The following CD300E variants were observed in gnomAD, a reference collection of about 807,000 sequenced individuals.
The protein encoded by CD300E is CMRF35-like molecule 2.
Under a neutral mutation model 20.9 loss-of-function variants are expected in CD300E, and 14 were observed. The ratio of observed to expected loss-of-function variants is 0.67; its 90% CI spans 0.44 to 1.05. CD300E has a LOEUF of 1.05. Ranked by LOEUF, CD300E falls within the 50% of genes least tolerant of loss-of-function variation. The pLI, the probability that CD300E is intolerant of heterozygous loss-of-function variation, is 0.00. For synonymous variants in CD300E, 102 were observed against 103.7 expected, an observed-to-expected ratio of 0.98 and a Z score of 0.10; for missense variants, 237 against 253.9, an observed-to-expected ratio of 0.93 and a Z score of 0.45.
At chr17:74,614,509 A>G (rs1442028526) in intron 2 of CD300E, among the ~76,000 whole-genome samples, 4 of 118,854 alleles carry the variant, frequency 3.4e-5, no homozygotes, top group Admixed American at 2.0e-4. Flanking sequence ...ATGGAGTTTC[A>G]CTCTTGTTGC....
intron 2 of CD300E, 60 bp from the exon 3 acceptor site, chr17:74,614,093 C>A (rs2030848191): frequency 7.9e-7 from 1 of 1,269,526 alleles, no homozygotes; most frequent in African/African-American, 1.5e-5. Flanking sequence ...GCACAGAACA[C>A]CCGTATGGAT....
chr17:74,619,133 G>A, intron 1 of CD300E: 1 of 471,286 alleles, frequency 2.1e-6, no homozygotes, highest in Non-Finnish European at 4.4e-6. Context: ...TCCTCCTGGA[G>A]GTGGCACATC....
intron 1 of CD300E, among the ~76,000 whole-genome samples, chr17:74,617,926 C>G (rs970671350): frequency 6.6e-6 from 1 of 152,222 alleles, no homozygotes; most frequent in African/African-American, 2.4e-5. Flanking sequence ...CTCTCCGGCT[C>G]TGATCTTAAC....
At chr17:74,615,143 G>T (rs2030873239) in intron 2 of CD300E, among the ~76,000 whole-genome samples, 1 of 152,238 alleles carries the variant, frequency 6.6e-6, no homozygotes. Context: ...GGAGCACAGG[G>T]GAGAAGCCTA....
At chr17:74,618,173 G>T (rs2030947832) in intron 1 of CD300E, among the ~76,000 whole-genome samples, 2 of 152,344 alleles carry the variant, frequency 1.3e-5, no homozygotes, top group African/African-American at 2.4e-5. Context: ...GGGAGGCAAA[G>T]TGTGAGAAGT....
intron 3 of CD300E, 35 bp from the exon 4 acceptor site, chr17:74,612,808 C>A: frequency 6.2e-7 from 1 of 1,610,184 alleles, no homozygotes; most frequent in African/African-American, 1.3e-5. Flanking sequence ...GTCACTTCCC[C>A]GGGAGAACCC....
intron 3 of CD300E, among the ~76,000 whole-genome samples, 187 bp from the exon 4 acceptor site, chr17:74,612,960 C>A (rs1008715944): frequency 5.3e-5 from 8 of 152,148 alleles, no homozygotes; most frequent in African/African-American, 1.9e-4. Flanking sequence ...AAGGACTGCC[C>A]GGGGGGTCTC....
intron 2 of CD300E, 82 bp from the exon 3 acceptor site, chr17:74,614,115 T>C: frequency 1.9e-6 from 2 of 1,060,730 alleles, no homozygotes; most frequent in Non-Finnish European, 2.9e-6. Context: ...TCATACAGAA[T>C]CACCCACTCA....
chr17:74,619,355 T>A (rs1430618861), intron 1 of CD300E: 1 of 241,010 alleles, frequency 4.1e-6, no homozygotes, highest in Non-Finnish European at 8.5e-6. Context: ...GAGCTGAATG[T>A]GTCCTAGAAT....
rs976637327 is a variant in CD300E, at chr17:74,611,353, T to A, written c.*1300A>T. 6.6e-6 allele frequency: 1 copy of A among 152,290 alleles called. No individual in the cohort carries two copies. Among genetic ancestry groups the A allele is most frequent in the Non-Finnish European group, 1.5e-5 (1 of 68,082 alleles). 9.4% of individuals were successfully genotyped at this position (152,290 alleles called of 1,614,324 possible). ...CATGTGCTCTGGACACTGGCATCAC[T>A]AGCTCAGGATGAGCTCAGGCCTGGG... is the stretch of plus-strand genomic sequence containing the variant. On this transcript the variant is annotated 3_prime_UTR_variant, in exon 4 of 4. Transcript: ENST00000392619.
Position 74,614,475 on chromosome 17 carries a change from C to CT in CD300E, c.389-443dup, listed in dbSNP as rs151029563. Among the ~76,000 whole-genome samples the CT allele has an allele frequency of 1.5e-3, 173 of 113,322 alleles. 1 individual carries two copies. The highest frequency in any genetic ancestry group is 3.8e-3 in the African/African-American group (105 of 27,366). 74.3% of individuals were successfully genotyped at this position (113,322 alleles called of 152,430 possible). ...TCTGAGCACCCTTCATGTGGACACT[C>CT]TTTTTTTTTTTTTTTTTTTTGAGAT... On this transcript the variant is annotated intron_variant, in intron 2 of 3. Coordinates refer to ENST00000392619, the MANE Select transcript of CD300E (RefSeq NM_181449.3).
rs149962346 is a variant in CD300E, at chr17:74,615,249, T to C, written c.389-1216A>G. ...TGCTTTTGGGAAGTGAGAGACATGATAGAGTGTGAGTCTGAGGACAGGAGA... is the reference window on the plus strand; with the variant it reads ...TGCTTTTGGGAAGTGAGAGACATGACAGAGTGTGAGTCTGAGGACAGGAGA... On this transcript the variant is annotated intron_variant, in intron 2 of 3. Coordinates refer to ENST00000392619, the MANE Select transcript of CD300E (RefSeq NM_181449.3). Among the ~76,000 whole-genome samples the C allele has an allele frequency of 2.6e-5, 4 of 152,012 alleles. No individual in the cohort carries two copies. The East Asian group carries it at 7.8e-4, about 29-fold the overall frequency.
In CD300E at chr17:74,613,107, G is replaced by A. The variant is rs114382514; in HGVS notation, c.498-334C>T. ...CTTCTTAAAACCAGTCCCCACTCTCGCTTTTTTTATTTTCTGAGACAGAGT... is the reference window on the plus strand; with the variant it reads ...CTTCTTAAAACCAGTCCCCACTCTCACTTTTTTTATTTTCTGAGACAGAGT... On this transcript the variant is annotated intron_variant, in intron 3 of 3. Coordinates refer to ENST00000392619, the MANE Select transcript of CD300E (RefSeq NM_181449.3). Among the ~76,000 whole-genome samples, 573 of 152,210 alleles carry A rather than the reference G, an allele frequency of 3.8e-3. 6 individuals carry two copies. The highest frequency in any genetic ancestry group is 0.013 in the African/African-American group (555 of 41,530).
intron 1 of CD300E, 131 bp downstream of exon 1, chr17:74,623,451 C>A: frequency 1.2e-6 from 1 of 804,638 alleles, no homozygotes; most frequent in Non-Finnish European, 2.0e-6. Context: ...GAAGGATGCA[C>A]AGGTGAATGA....
At chr17:74,613,859 A>G in intron 3 of CD300E, 66 bp downstream of exon 3, 2 of 1,029,596 alleles carry the variant, frequency 1.9e-6, no homozygotes, top group South Asian at 2.7e-5. Flanking sequence ...ACGGTGCGCC[A>G]CCCCCACCCC....
intron 1 of CD300E, among the ~76,000 whole-genome samples, chr17:74,620,204 C>T (rs2030990965): frequency 6.6e-6 from 1 of 150,878 alleles, no homozygotes; most frequent in African/African-American, 2.4e-5. Flanking sequence ...GGGTGTGGTG[C>T]CTCAAGCCTG....
chr17:74,615,779 G>A (rs2030887046), intron 2 of CD300E, among the ~76,000 whole-genome samples: 1 of 152,144 alleles, frequency 6.6e-6, no homozygotes. Context: ...GGAGTTATGA[G>A]TGCTGCTAAG....
intron 3 of CD300E, among the ~76,000 whole-genome samples, 173 bp downstream of exon 3, chr17:74,613,752 G>T (rs1297959100): frequency 6.6e-6 from 1 of 152,192 alleles, no homozygotes; most frequent in African/African-American, 2.4e-5. Context: ...CACAGCACAA[G>T]TGATATTTCC....
chr17:74,616,391 C>T (rs1223612252), intron 2 of CD300E, among the ~76,000 whole-genome samples: 3 of 152,062 alleles, frequency 2.0e-5, no homozygotes, highest in Non-Finnish European at 2.9e-5. Flanking sequence ...ATAAAGGACA[C>T]CAAGGTTGAG....
Sources: gnomAD v4.1 joint callset for allele counts (sites outside exome capture counted in the v4.1 genomes callset) on GRCh38, gnomAD v4.1.1 for gene constraint, MANE v1.5 for transcripts, NCBI Gene and HGNC (gene_info 2026-07-23, HGNC 2026-07-21) for gene names.